ADCK1: variants seen among roughly 807,000 people sequenced by gnomAD.
ADCK1 encodes aarF domain-containing protein kinase 1.
Under a neutral mutation model 52.3 loss-of-function variants are expected in ADCK1, and 41 were observed. That is an observed-to-expected ratio of 0.78 (90% CI 0.61 to 1.02). The LOEUF is 1.02. Ranked by LOEUF, ADCK1 falls within the 50% of genes least tolerant of loss-of-function variation. ADCK1 has a pLI of 0.00. For synonymous variants in ADCK1, 250 were observed against 274.6 expected (o/e 0.91, Z 0.89); for missense variants, 658 against 679.5 (o/e 0.97, Z 0.35).
chr14:77,907,721 G>C (rs1185813753), intron 6 of ADCK1, 82 bp from the exon 7 acceptor site: 6 of 1,050,376 alleles, frequency 5.7e-6, no homozygotes, highest in Non-Finnish European at 1.4e-6. Flanking sequence ...CTCTGTTGCT[G>C]TCTGGCTCGC....
intron 7 of ADCK1, among the ~76,000 whole-genome samples, chr14:77,914,124 GGCTCA>G (rs1180365008): frequency 6.6e-6 from 1 of 152,152 alleles, no homozygotes; most frequent in Admixed American, 6.5e-5. Flanking sequence ...GCCTGCTTGA[GGCTCA>G]GCAGTAATAA....
At chr14:77,871,607 C>A (rs530821032) in intron 4 of ADCK1, among the ~76,000 whole-genome samples, 1 of 152,146 alleles carries the variant, frequency 6.6e-6, no homozygotes, top group South Asian at 2.1e-4. Context: ...ATCTGCCCAT[C>A]TTGACCTCCC....
intron 8 of ADCK1, 109 bp from the exon 9 acceptor site, chr14:77,925,655 A>C: frequency 9.4e-7 from 1 of 1,064,126 alleles, no homozygotes; most frequent in Non-Finnish European, 1.4e-6. Flanking sequence ...ATGTCGTGGG[A>C]AGGCACAGTC....
At chr14:77,835,415 T>G (rs758766066) in intron 3 of ADCK1, among the ~76,000 whole-genome samples, 1 of 152,210 alleles carries the variant, frequency 6.6e-6, no homozygotes, top group Admixed American at 6.5e-5. Context: ...TATTTTGGAT[T>G]CATTGTTTAT....
At chr14:77,863,842 G>GA (rs1222168263) in intron 4 of ADCK1, among the ~76,000 whole-genome samples, 63 of 139,258 alleles carry the variant, frequency 4.5e-4, no homozygotes, top group African/African-American at 6.9e-4. Flanking sequence ...GTCTCAAAAA[G>GA]AAAAAAAAAA....
At chr14:77,857,584 T>A (rs2082446964) in intron 3 of ADCK1, among the ~76,000 whole-genome samples, 1 of 152,174 alleles carries the variant, frequency 6.6e-6, no homozygotes. Context: ...ACTTCCAATA[T>A]CACATGTTCT....
At chr14:77,874,282 G>A (rs563691080) in intron 4 of ADCK1, among the ~76,000 whole-genome samples, 3 of 152,312 alleles carry the variant, frequency 2.0e-5, no homozygotes, top group African/African-American at 4.8e-5. Context: ...CTTTGAAAGA[G>A]GTCAGCACAA....
rs116606371 is a variant in ADCK1, at chr14:77,894,707, C to A, written c.583-4393C>A. ...TTTGCTATTGTAAATAACAGTCAGT[C>A]GTTTTATTTCTTTTTCTTTTCTTTT... is the stretch of plus-strand genomic sequence containing the variant. On this transcript the variant is annotated intron_variant, in intron 5 of 10. Coordinates refer to ENST00000238561, the MANE Select transcript of ADCK1 (RefSeq NM_020421.4). Among the ~76,000 whole-genome samples, 647 of 98,034 alleles carry A rather than the reference C, an allele frequency of 6.6e-3. 6 individuals are homozygous for A. The highest frequency in any genetic ancestry group is 0.021 in the African/African-American group (621 of 29,734). The allele number at this position is 98,034 out of a possible 152,430, so 64.3% of individuals were successfully genotyped here. A position where few individuals can be genotyped will look rare whatever the true frequency, so the allele number is the denominator to read the frequency against.
At chr14:77,833,228 C>T (rs17752869) in intron 3 of ADCK1, among the ~76,000 whole-genome samples, 5,498 of 152,280 alleles carry the variant, frequency 0.036, 144 homozygotes, top group Non-Finnish European at 0.053. Flanking sequence ...GGCTGGGATG[C>T]GTTCCTCCTG....
rs781704374 is a variant in ADCK1 at position 77,924,538 on chromosome 14, G to A, written c.940G>A (p.Val314Ile). 6 of 1,614,062 alleles carry A rather than the reference G, an allele frequency of 3.7e-6. No individual in the cohort carries two copies. Among genetic ancestry groups the A allele is most frequent in the Non-Finnish European group, 5.1e-6 (6 of 1,180,042 alleles). Residue 314 changes from valine to isoleucine, a missense_variant, in exon 8 of 11, where the codon GTA (valine) becomes ATA (isoleucine). By Grantham distance (29) the Val-to-Ile change is conservative. Coordinates refer to ENST00000238561, the MANE Select transcript of ADCK1 (RefSeq NM_020421.4). The part of the protein sequence containing the change: ...FVHCDPHPGN[V>I]LVRKHPGTGK... ...GCACTGCGATCCCCACCCCGGCAATGTACTGGTGCGGAAGCACCCCGGCAC... is the reference window on the plus strand; with the variant it reads ...GCACTGCGATCCCCACCCCGGCAATATACTGGTGCGGAAGCACCCCGGCAC...
intron 6 of ADCK1, among the ~76,000 whole-genome samples, chr14:77,904,277 G>A (rs764210606): frequency 2.6e-5 from 4 of 152,322 alleles, no homozygotes; most frequent in South Asian, 4.1e-4. Context: ...AAATGGGGGC[G>A]GAGGTGGGGT....
At chr14:77,840,657 G>A (rs1334824441) in intron 3 of ADCK1, among the ~76,000 whole-genome samples, 5 of 152,044 alleles carry the variant, frequency 3.3e-5, no homozygotes, top group African/African-American at 7.3e-5. Context: ...AGACCAGCCT[G>A]GACAACATGG....
intron 6 of ADCK1, among the ~76,000 whole-genome samples, chr14:77,901,005 G>T (rs1294077935): frequency 6.6e-6 from 1 of 151,978 alleles, no homozygotes; most frequent in Non-Finnish European, 1.5e-5. Context: ...TACTGGGTCA[G>T]GGCAGGCTCT....
intron 3 of ADCK1, among the ~76,000 whole-genome samples, chr14:77,823,684 T>G (rs964551708): frequency 2.0e-5 from 3 of 151,956 alleles, no homozygotes; most frequent in Non-Finnish European, 4.4e-5. Context: ...GTGATTCTCC[T>G]GCCTCAGCCT....
In ADCK1 at chr14:77,931,556, C is replaced by T; in HGVS notation, c.1245C>T (p.Pro415=). 1 of 1,614,106 alleles carries T rather than the reference C, an allele frequency of 6.2e-7. No homozygotes were observed. Among genetic ancestry groups the T allele is most frequent in the Non-Finnish European group, 8.5e-7 (1 of 1,180,010 alleles). The change falls in exon 10 of 11, where the codon CCC becomes CCT. Residue 415 remains proline (P), a synonymous_variant. Coordinates refer to ENST00000238561, the MANE Select transcript of ADCK1 (RefSeq NM_020421.4). ...GCAACAACGCGGCCAACTACCTCCC[C>T]CAGATCAGCCATCTCCTCAACCACG... ...EIRNNAANYL[P]QISHLLNHVP...
chr14:77,838,124 A>G (rs181433435), intron 3 of ADCK1, among the ~76,000 whole-genome samples: 1 of 152,236 alleles, frequency 6.6e-6, no homozygotes, highest in East Asian at 1.9e-4. Context: ...TTTTCTACCA[A>G]ATTAAAATCC....
At chr14:77,838,140 G>T (rs987038217) in intron 3 of ADCK1, among the ~76,000 whole-genome samples, 1 of 152,150 alleles carries the variant, frequency 6.6e-6, no homozygotes, top group African/African-American at 2.4e-5. Flanking sequence ...AATCCACTCA[G>T]CTCTCTTCCT....
intron 3 of ADCK1, among the ~76,000 whole-genome samples, chr14:77,845,053 A>G (rs1249030212): frequency 5.3e-5 from 8 of 152,354 alleles, no homozygotes; most frequent in Non-Finnish European, 1.2e-4. Context: ...CTGAGGCCCA[A>G]CAAGCTGAGA....
At chr14:77,820,406 C>T (rs895018963) in intron 2 of ADCK1, among the ~76,000 whole-genome samples, 11 of 150,532 alleles carry the variant, frequency 7.3e-5, no homozygotes, top group African/African-American at 2.7e-4. Context: ...TACCCACTTA[C>T]TGCAACCTCC....
Sources: gnomAD v4.1 joint callset for allele counts (sites outside exome capture counted in the v4.1 genomes callset) on GRCh38, gnomAD v4.1.1 for gene constraint, MANE v1.5 for transcripts, NCBI Gene and HGNC (gene_info 2026-07-23, HGNC 2026-07-21) for gene names.